The following TGFBR1 variants were observed in gnomAD, a reference collection of about 807,000 sequenced individuals.
The protein encoded by TGFBR1 is transforming growth factor beta receptor 1.
In TGFBR1, 20 loss-of-function variants were observed where a neutral mutation model predicts 55.1. That is an observed-to-expected ratio of 0.36 (90% confidence interval 0.26 to 0.53). The LOEUF is 0.53. Among genes scored for constraint, TGFBR1 ranks in the 20% least tolerant of loss-of-function variants. TGFBR1 has a pLI of 0.91. For missense variants in TGFBR1, 385 were observed against 617.6 expected (o/e 0.62, Z 3.99); for synonymous variants, 220 against 214.8 (o/e 1.02, Z -0.21).
rs753301297 is a variant in TGFBR1 at position 99,147,673 on chromosome 9, A to G, written c.1275A>G (p.Gln425=). 4.3e-6 allele frequency: 7 copies of G among 1,613,552 alleles called. No individual in the cohort carries two copies. The highest frequency in any genetic ancestry group is 3.3e-5 in the South Asian group (3 of 91,078). The change falls in exon 8 of 9, where the codon CAA becomes CAG. Residue 425 remains glutamine, a synonymous_variant. Coordinates refer to ENST00000374994, the MANE Select transcript of TGFBR1 (RefSeq NM_004612.4). ...ATACAGGAATTCATGAAGATTACCA[A>G]CTGCCTTATTATGATCTTGTACCTT... The part of the protein sequence containing the change: ...CSIGGIHEDY[Q]LPYYDLVPSD...
At chr9:99,135,623 T>A (rs1364844100) in intron 3 of TGFBR1, among the ~76,000 whole-genome samples, 1 of 152,152 alleles carries the variant, frequency 6.6e-6, no homozygotes, top group Non-Finnish European at 1.5e-5. Flanking sequence ...CTTTTGTAAG[T>A]GAGTCTTCTA....
intron 3 of TGFBR1, among the ~76,000 whole-genome samples, chr9:99,137,508 T>C (rs970426019): frequency 2.0e-5 from 3 of 152,158 alleles, no homozygotes; most frequent in Admixed American, 2.0e-4. Flanking sequence ...CTCTCTCTGA[T>C]TGCCCAAGCT....
At chr9:99,139,039 A>T (rs1326215847) in intron 4 of TGFBR1, among the ~76,000 whole-genome samples, 4 of 151,620 alleles carry the variant, frequency 2.6e-5, no homozygotes, top group African/African-American at 9.7e-5. Context: ...CTCGTGATCC[A>T]CCCACCTCAC....
At chr9:99,109,246 A>G (rs1449575192) in intron 1 of TGFBR1, among the ~76,000 whole-genome samples, 1 of 152,188 alleles carries the variant, frequency 6.6e-6, no homozygotes, top group African/African-American at 2.4e-5. Flanking sequence ...TTAATTGCTG[A>G]TAAAAGGACC....
rs1828004993 is a variant in TGFBR1 at position 99,152,470 on chromosome 9, T to C, written c.*3165T>C. 2 of 230,288 alleles carry C rather than the reference T, an allele frequency of 8.7e-6. No individual in the cohort carries two copies. The highest frequency in any genetic ancestry group is 1.7e-5 in the Non-Finnish European group (2 of 115,854). 14.3% of individuals were successfully genotyped at this position (230,288 alleles called of 1,614,324 possible). On this transcript the variant is annotated 3_prime_UTR_variant, in exon 9 of 9. Transcript: ENST00000374994. ...TGTACAGTGCCATGGCCATCAAGAATCCCAGATTTCAGGTTTTATTACAAA... is the reference window on the plus strand; with the variant it reads ...TGTACAGTGCCATGGCCATCAAGAACCCCAGATTTCAGGTTTTATTACAAA...
chr9:99,115,286 C>T (rs1455609248), intron 1 of TGFBR1, among the ~76,000 whole-genome samples: 1 of 151,860 alleles, frequency 6.6e-6, no homozygotes, highest in Non-Finnish European at 1.5e-5. Flanking sequence ...TGTTCATTTG[C>T]TTCAGGAAAA....
chr9:99,109,083 G>A (rs974481291), intron 1 of TGFBR1, among the ~76,000 whole-genome samples: 5 of 152,140 alleles, frequency 3.3e-5, no homozygotes, highest in Non-Finnish European at 7.3e-5. Context: ...ACAGGGTTGG[G>A]ATAGGTGGTT....
rs1827929897 is a variant in TGFBR1 at position 99,149,845 on chromosome 9, G to A, written c.*540G>A. 4.5e-6 allele frequency: 1 copy of A among 220,708 alleles called. No individual in the cohort carries two copies. The highest frequency in any genetic ancestry group is 9.1e-6 in the Non-Finnish European group (1 of 109,650). The allele number at this position is 220,708 out of a possible 1,614,324, so 13.7% of individuals were successfully genotyped here. On this transcript the variant is annotated 3_prime_UTR_variant, in exon 9 of 9. Coordinates refer to ENST00000374994, the MANE Select transcript of TGFBR1 (RefSeq NM_004612.4). ...TTGAGTCTAAAAATGACCTCATATA[G>A]TAGTGAGGAACATAATTCATGCAAT...
chr9:99,136,899 A>G (rs1827453273), intron 3 of TGFBR1, among the ~76,000 whole-genome samples: 1 of 152,132 alleles, frequency 6.6e-6, no homozygotes, highest in Non-Finnish European at 1.5e-5. Flanking sequence ...TGAGTGAGGA[A>G]CATGATGTAC....
At chr9:99,146,246 T>C (rs1021475809) in intron 6 of TGFBR1, among the ~76,000 whole-genome samples, 1 of 152,194 alleles carries the variant, frequency 6.6e-6, no homozygotes, top group African/African-American at 2.4e-5. Flanking sequence ...TGTCTTTCAT[T>C]GGAAACCAAG....
intron 3 of TGFBR1, among the ~76,000 whole-genome samples, chr9:99,134,629 T>C: frequency 6.6e-6 from 1 of 151,656 alleles, no homozygotes; most frequent in East Asian, 1.9e-4. Flanking sequence ...CTCTTGTTTC[T>C]AAACTTATAC....
At chr9:99,105,559 G>A (rs1380619989) in intron 1 of TGFBR1, among the ~76,000 whole-genome samples, 1 of 151,338 alleles carries the variant, frequency 6.6e-6, no homozygotes, top group African/African-American at 2.4e-5. Flanking sequence ...CCCCGCTCGG[G>A]ACTCCCCGGG....
rs201041849 is a variant in TGFBR1, at chr9:99,153,716, T to A, written c.*4411T>A. 5.0e-6 allele frequency: 1 copy of A among 200,662 alleles called. No homozygotes were observed. Among genetic ancestry groups the A allele is most frequent in the African/African-American group, 2.3e-5 (1 of 43,640 alleles). The allele number at this position is 200,662 out of a possible 1,614,324, so 12.4% of individuals were successfully genotyped here. On this transcript the variant is annotated 3_prime_UTR_variant, in exon 9 of 9. Coordinates refer to ENST00000374994, the MANE Select transcript of TGFBR1 (RefSeq NM_004612.4). ...TGAGTCATGCCATATGTAGTTGCTG[T>A]AGATGGCAACTAGAACCTTTGAGTT...
At chr9:99,131,893 G>A (rs1223617934) in intron 2 of TGFBR1, among the ~76,000 whole-genome samples, 2 of 151,860 alleles carry the variant, frequency 1.3e-5, no homozygotes, top group Non-Finnish European at 1.5e-5. Context: ...GCTTGAACCC[G>A]GGAGGCGGAG....
chr9:99,117,573 T>C (rs956852212), intron 1 of TGFBR1, among the ~76,000 whole-genome samples: 19 of 152,230 alleles, frequency 1.2e-4, no homozygotes, highest in African/African-American at 4.6e-4. Flanking sequence ...AAAATACGGA[T>C]ATCTGGTTGA....
At chr9:99,129,181 T>C in intron 2 of TGFBR1, 81 bp downstream of exon 2, 2 of 1,505,824 alleles carry the variant, frequency 1.3e-6, no homozygotes, top group Non-Finnish European at 1.8e-6. Flanking sequence ...GAAGGGATCA[T>C]AAAAATTGTC....
chr9:99,122,820 G>C (rs555021099), intron 1 of TGFBR1, among the ~76,000 whole-genome samples: 1 of 152,212 alleles, frequency 6.6e-6, no homozygotes, highest in South Asian at 2.1e-4. Context: ...GAGCTATCAA[G>C]ACAAATAATT....
chr9:99,132,249 G>A (rs1182533990), intron 2 of TGFBR1, among the ~76,000 whole-genome samples: 1 of 152,220 alleles, frequency 6.6e-6, no homozygotes, highest in African/African-American at 2.4e-5. Flanking sequence ...ATTGGCGGCA[G>A]TTGGCCTTGT....
At chr9:99,132,950 G>A (rs764067933) in intron 3 of TGFBR1, among the ~76,000 whole-genome samples, 4 of 152,148 alleles carry the variant, frequency 2.6e-5, no homozygotes, top group Non-Finnish European at 5.9e-5. Context: ...CTGTTAAAGC[G>A]AATCAATAAG....
Sources: allele counts gnomAD v4.1 joint callset (sites outside exome capture counted in the v4.1 genomes callset), GRCh38; gene constraint gnomAD v4.1.1; transcripts MANE v1.5; gene names NCBI Gene and HGNC (gene_info 2026-07-23, HGNC 2026-07-21).